The following TUSC3 variants were observed in gnomAD, a reference collection of about 807,000 sequenced individuals.
TUSC3 encodes dolichyl-diphosphooligosaccharide--protein glycosyltransferase subunit TUSC3.
TUSC3 carries 45 observed loss-of-function variants against 44.8 expected under a neutral mutation model. That is an observed-to-expected ratio of 1.00 (90% CI 0.79 to 1.29). The LOEUF (loss-of-function observed/expected upper bound fraction) is 1.29. TUSC3 is among the 50% of genes most tolerant of loss of function. TUSC3 has a pLI of 0.00. For synonymous variants in TUSC3, 212 were observed against 152.9 expected (o/e 1.39, Z -2.85); for missense variants, 519 against 437.9 (o/e 1.19, Z -1.65).
chr8:15,807,045 G>A, the TUSC3 span: 20 of 1,420,900 alleles, frequency 1.4e-5, no homozygotes, highest in South Asian at 2.3e-4. Context: ...CTGGTTATCG[G>A]CGATGTGATC....
rs575812991 is a variant in TUSC3 at position 15,510,995 on chromosome 8, A to T, written n.189+27512A>T. 7.2e-5 allele frequency among the ~76,000 whole-genome samples: 11 copies of T among 152,340 alleles called. No homozygotes were observed. In the East Asian group the frequency reaches 2.1e-3, roughly 29 times the overall value. ...ACCATTTATTGATTTCCATACAAGC[A>T]GAAAAATGTTTTGGAAAATTCAAGA... On this transcript the variant is annotated intron_variant and non_coding_transcript_variant, in intron 2 of 5. Coordinates refer to the TUSC3 transcript ENST00000503191.
intron 2 of TUSC3, among the ~76,000 whole-genome samples, chr8:15,501,704 T>G (rs190079120): frequency 1.3e-5 from 2 of 152,292 alleles, no homozygotes; most frequent in African/African-American, 2.4e-5. Context: ...ATCTTTCTTC[T>G]CCAACAAATG....
At chr8:15,805,458 G>C in the TUSC3 span, among the ~76,000 whole-genome samples, 1 of 152,108 alleles carries the variant, frequency 6.6e-6, no homozygotes, top group Non-Finnish European at 1.5e-5. Flanking sequence ...TATGATGTTG[G>C]CTCTGGGTTT....
chr8:15,628,826 C>G (rs1208723823), intron 2 of TUSC3, among the ~76,000 whole-genome samples: 2 of 152,136 alleles, frequency 1.3e-5, no homozygotes, highest in African/African-American at 2.4e-5. Context: ...GAACCATGCT[C>G]CTTTGGAATG....
intron 2 of TUSC3, among the ~76,000 whole-genome samples, chr8:15,641,159 G>C (rs112811668): frequency 0.011 from 1,686 of 151,966 alleles, 38 homozygotes; most frequent in African/African-American, 0.038. Context: ...AAGAGATCGA[G>C]ACCATCCTGG....
At position 15,659,376 on chromosome 8, in the gene TUSC3, T is replaced by G. The variant is rs1213513648; in HGVS notation, c.427-131T>G. On this transcript the variant is annotated intron_variant, in intron 3 of 10. Coordinates refer to ENST00000503731, the MANE Select transcript of TUSC3 (RefSeq NM_006765.4). Reference sequence around the variant, plus strand: ...AATTAAGACAAATAAAAACAGAAATTTACCTCTGGAAAACCACTTGGATTT... The same window carrying G: ...AATTAAGACAAATAAAAACAGAAATGTACCTCTGGAAAACCACTTGGATTT... 4.4e-6 allele frequency: 5 copies of G among 1,132,954 alleles called. No individual in the cohort carries two copies. The Admixed American group carries it at 6.9e-5, about 16-fold the overall frequency. The allele number at this position is 1,132,954 out of a possible 1,614,324, so 70.2% of individuals were successfully genotyped here. A position where few individuals can be genotyped will look rare whatever the true frequency, so the allele number is the denominator to read the frequency against.
At chr8:15,445,287 C>T (rs999894632) in intron 1 of TUSC3, among the ~76,000 whole-genome samples, 1 of 151,880 alleles carries the variant, frequency 6.6e-6, no homozygotes, top group African/African-American at 2.4e-5. Flanking sequence ...AAAAGTAAAA[C>T]TCTAAAACTG....
rs1419292154 is a variant in TUSC3 at position 15,637,924 on chromosome 8, C to T, written c.309-12773C>T. Among the ~76,000 whole-genome samples, 15 of 152,052 alleles carry T rather than the reference C, an allele frequency of 9.9e-5. No homozygotes were observed. The East Asian group carries it at 1.2e-3, about 12-fold the overall frequency. ...CCACAGGTCCCTTAATTTTCATGACCTGCTTCTCTGTTTCACTCTATCACC... is the reference window on the plus strand; with the variant it reads ...CCACAGGTCCCTTAATTTTCATGACTTGCTTCTCTGTTTCACTCTATCACC... On this transcript the variant is annotated intron_variant, in intron 2 of 10. Transcript: ENST00000503731.
At chr8:15,611,437 C>G (rs544797219) in intron 1 of TUSC3, among the ~76,000 whole-genome samples, 1 of 152,112 alleles carries the variant, frequency 6.6e-6, no homozygotes, top group Non-Finnish European at 1.5e-5. Context: ...TCTGCCCGCA[C>G]CGGCCTCCCA....
chr8:15,641,361 CAAAAA>C (rs34446791), intron 2 of TUSC3, among the ~76,000 whole-genome samples: 1 of 99,496 alleles, frequency 1.0e-5, no homozygotes, highest in African/African-American at 3.9e-5. Flanking sequence ...GACTCCGTCT[CAAAAA>C]AAAAAAAAAA....
intron 6 of TUSC3, among the ~76,000 whole-genome samples, chr8:15,715,675 C>G (rs1810028185): frequency 1.3e-5 from 2 of 151,288 alleles, no homozygotes; most frequent in African/African-American, 2.4e-5. Context: ...GGGGGGACTA[C>G]TATGCATTTC....
At chr8:15,815,877 G>A in the TUSC3 span, among the ~76,000 whole-genome samples, 1 of 152,090 alleles carries the variant, frequency 6.6e-6, no homozygotes, top group African/African-American at 2.4e-5. Context: ...GAAAATTCCA[G>A]AATAAATTAT....
At chr8:15,634,628 AGT>A (rs1805980880) in intron 2 of TUSC3, among the ~76,000 whole-genome samples, 1 of 152,200 alleles carries the variant, frequency 6.6e-6, no homozygotes, top group Admixed American at 6.5e-5. Flanking sequence ...GAGCTGCACC[AGT>A]GTGTTTTTTC....
intron 3 of TUSC3, among the ~76,000 whole-genome samples, chr8:15,652,485 G>T (rs540387101): frequency 6.6e-6 from 1 of 152,028 alleles, no homozygotes; most frequent in Admixed American, 6.5e-5. Context: ...TTGCTCCTAT[G>T]GTACCTATTC....
intron 2 of TUSC3, among the ~76,000 whole-genome samples, chr8:15,503,248 A>G (rs906903727): frequency 2.0e-5 from 3 of 152,264 alleles, no homozygotes; most frequent in African/African-American, 7.2e-5. Context: ...CACAAGGACA[A>G]TATGGCCATC....
chr8:15,699,709 T>G (rs931567524), intron 6 of TUSC3, among the ~76,000 whole-genome samples: 2 of 152,188 alleles, frequency 1.3e-5, no homozygotes, highest in African/African-American at 2.4e-5. Context: ...TTGGAATACT[T>G]TGTTGCTTGT....
intron 1 of TUSC3, among the ~76,000 whole-genome samples, chr8:15,420,737 G>A (rs960738756): frequency 2.6e-5 from 4 of 151,888 alleles, no homozygotes; most frequent in African/African-American, 7.3e-5. Flanking sequence ...TTCTTGTAAC[G>A]GCACAGTTTC....
At chr8:15,544,456 G>A (rs1801795375) in intron 1 of TUSC3, among the ~76,000 whole-genome samples, 1 of 151,736 alleles carries the variant, frequency 6.6e-6, no homozygotes, top group South Asian at 2.1e-4. Flanking sequence ...GCCATGATAT[G>A]TAGGTAATAA....
the TUSC3 span, among the ~76,000 whole-genome samples, chr8:15,811,854 T>C: frequency 6.6e-6 from 1 of 152,048 alleles, no homozygotes; most frequent in Non-Finnish European, 1.5e-5. Context: ...CAAAAGCCTG[T>C]ATAAAATAGC....
Sources: gnomAD v4.1 joint callset for allele counts (sites outside exome capture counted in the v4.1 genomes callset) on GRCh38, gnomAD v4.1.1 for gene constraint, MANE v1.5 for transcripts, NCBI Gene and HGNC (gene_info 2026-07-23, HGNC 2026-07-21) for gene names.